NPEPL1: variants seen among roughly 807,000 people sequenced by gnomAD.
The protein encoded by NPEPL1 is probable aminopeptidase NPEPL1.
Under a neutral mutation model 52.4 loss-of-function variants are expected in NPEPL1, and 45 were observed. That is an observed-to-expected ratio of 0.86 (90% CI 0.68 to 1.10). The LOEUF (loss-of-function observed/expected upper bound fraction) is 1.10. Among genes scored for constraint, NPEPL1 ranks in the 50% least tolerant of loss-of-function variants. The pLI is 0.00. For synonymous variants in NPEPL1, 360 were observed against 314.7 expected (o/e 1.14, Z -1.52); for missense variants, 696 against 710.9 (o/e 0.98, Z 0.24).
Position 58,707,201 on chromosome 20 carries a change from G to A in NPEPL1, c.900+1G>A, listed in dbSNP as rs367627505. 1 of 1,549,606 alleles carries A rather than the reference G, an allele frequency of 6.5e-7. No individual in the cohort carries two copies. On this transcript the variant is annotated splice_donor_variant, in intron 7 of 11. Transcript: ENST00000356091. LOFTEE classifies it high-confidence loss of function. Reference sequence around the variant, plus strand: ...GGCCTTCAGAGCCGCAATCAAGCAGGTGAGTGGGCCCTGCCCGCCCTCTGC... The same window carrying A: ...GGCCTTCAGAGCCGCAATCAAGCAGATGAGTGGGCCCTGCCCGCCCTCTGC...
intron 3 of NPEPL1, among the ~76,000 whole-genome samples, chr20:58,696,341 C>T (rs2084490753): frequency 6.6e-6 from 1 of 152,230 alleles, no homozygotes; most frequent in South Asian, 2.1e-4. Context: ...TCTTGGCTAG[C>T]ACCACCCTCC....
chr20:58,710,498 CAA>C (rs11481655), intron 7 of NPEPL1, among the ~76,000 whole-genome samples: 1 of 147,064 alleles, frequency 6.8e-6, no homozygotes, highest in Non-Finnish European at 1.5e-5. Flanking sequence ...AGCCTGGCAC[CAA>C]AAAAAAAAGC....
chr20:58,704,380 C>T (rs1169065234), intron 6 of NPEPL1: 12 of 985,266 alleles, frequency 1.2e-5, no homozygotes, highest in Non-Finnish European at 1.4e-5. Context: ...CTGGAGACCC[C>T]TTTACGCTCT....
At position 58,700,996 on chromosome 20, in the gene NPEPL1, T is replaced by A; in HGVS notation, c.680-20T>A. 1 of 1,542,644 alleles carries A rather than the reference T, an allele frequency of 6.5e-7. No individual in the cohort carries two copies. The highest frequency in any genetic ancestry group is 1.4e-5 in the African/African-American group (1 of 72,298). On this transcript the variant is annotated intron_variant, in intron 5 of 11. Coordinates refer to ENST00000356091, the MANE Select transcript of NPEPL1 (RefSeq NM_024663.4). ...CAGCTCAGCCCGAGCCTAACCCAGTTCTCCCCACGCTTTCCATAGGAATCT... is the reference window on the plus strand; with the variant it reads ...CAGCTCAGCCCGAGCCTAACCCAGTACTCCCCACGCTTTCCATAGGAATCT...
chr20:58,708,918 G>A (rs961618744), intron 7 of NPEPL1, among the ~76,000 whole-genome samples: 9 of 151,758 alleles, frequency 5.9e-5, no homozygotes, highest in Non-Finnish European at 1.2e-4. Flanking sequence ...CTCTGTGGCC[G>A]TCTTTGCCGT....
chr20:58,700,534 C>T (rs1486351155), intron 5 of NPEPL1, among the ~76,000 whole-genome samples: 1 of 152,222 alleles, frequency 6.6e-6, no homozygotes, highest in Non-Finnish European at 1.5e-5. Context: ...GCCATAGACT[C>T]TGCACACGCA....
chr20:58,703,620 C>T (rs1469203153), intron 6 of NPEPL1: 10 of 985,100 alleles, frequency 1.0e-5, no homozygotes, highest in Admixed American at 6.2e-5. Flanking sequence ...GGAATTCATT[C>T]GTTTGCTTGT....
intron 7 of NPEPL1, chr20:58,711,231 A>C (rs895597294): frequency 7.9e-5 from 12 of 151,214 alleles, no homozygotes; most frequent in African/African-American, 2.9e-4. Flanking sequence ...TGTGGCGTCC[A>C]TGGCCTGGAG....
chr20:58,692,664 T>G, upstream of NPEPL1: 1 of 292,074 alleles, frequency 3.4e-6, no homozygotes, highest in Non-Finnish European at 5.0e-6. This position sits in a 1 kb window ranked among gnomAD's most constrained non-coding sequence, Gnocchi z 5.7. Context: ...GGGGCCGGCT[T>G]CGGGCCTGCC....
rs1333493585 is a variant in NPEPL1 at position 58,701,106 on chromosome 20, G to C, written c.770G>C (p.Trp257Ser). 6.3e-7 allele frequency: 1 copy of C among 1,591,814 alleles called. No homozygotes were observed. The change falls in exon 6 of 12, where the codon TGG becomes TCG. Residue 257 changes from tryptophan to serine, a missense_variant. Trp to Ser is a radical substitution (Grantham distance 177). Coordinates refer to ENST00000356091, the MANE Select transcript of NPEPL1 (RefSeq NM_024663.4). Reference protein sequence around the residue: ...TPDGATQTIAWVGKGIVYDTG... With the variant: ...TPDGATQTIASVGKGIVYDTG... ...GATGGAGCCACGCAGACCATCGCCT[G>C]GGTGGGCAAAGGCATCGTCTATGAC...
chr20:58,704,027 T>C (rs2084688575), intron 6 of NPEPL1: 1 of 985,296 alleles, frequency 1.0e-6, no homozygotes, highest in South Asian at 4.7e-5. Context: ...GGAACCGTTC[T>C]ACGTGGATTT....
rs768339904 is a variant in NPEPL1 at position 58,713,018 on chromosome 20, C to G, written c.1002-402C>G. 37 of 363,538 alleles carry G rather than the reference C, an allele frequency of 1.0e-4. No individual in the cohort carries two copies. Among genetic ancestry groups the G allele is most frequent in the Non-Finnish European group, 1.9e-4 (35 of 188,016 alleles). 22.5% of individuals were successfully genotyped at this position (363,538 alleles called of 1,614,324 possible). ...CCAGAATTCAAAAGAGAAGAGCCCTCTCCCCAGCCCCATGAGCTGGTGCCT... is the reference window on the plus strand; with the variant it reads ...CCAGAATTCAAAAGAGAAGAGCCCTGTCCCCAGCCCCATGAGCTGGTGCCT... On this transcript the variant is annotated intron_variant, in intron 8 of 11. Transcript: ENST00000356091. The surrounding 1 kb of genome is among the most constrained non-coding windows in gnomAD (Gnocchi z 4.6).
chr20:58,714,584 TG>T lies in NPEPL1; in HGVS notation c.1328del (p.Cys443LeufsTer54). 1 of 1,590,644 alleles carries T rather than the reference TG, an allele frequency of 6.3e-7. No individual in the cohort carries two copies. Among genetic ancestry groups the T allele is most frequent in the South Asian group, 1.1e-5 (1 of 87,796 alleles). ...VADRDNSPSS[C>X]AGLFIASHIG... ...GGACCGAGACAACAGCCCCAGCTCCTGTGCTGGCCTCTTCATCGCCTCACAC... is the reference window on the plus strand; with the variant it reads ...GGACCGAGACAACAGCCCCAGCTCCTTGCTGGCCTCTTCATCGCCTCACAC... On this transcript the variant is annotated frameshift_variant, in exon 11 of 12. Transcript: ENST00000356091. LOFTEE classifies it high-confidence loss of function.
intron 3 of NPEPL1, among the ~76,000 whole-genome samples, chr20:58,695,113 G>A (rs1203003477): frequency 1.4e-4 from 1 of 7,010 alleles, no homozygotes; most frequent in Non-Finnish European, 3.2e-4. Context: ...GTGTGTGTGT[G>A]TTTGCTGGTG....
chr20:58,697,260 C>A (rs1423623652), intron 3 of NPEPL1, among the ~76,000 whole-genome samples: 1 of 152,246 alleles, frequency 6.6e-6, no homozygotes, highest in African/African-American at 2.4e-5. Flanking sequence ...GCCCTGCCCT[C>A]CCTCCCACAG....
At chr20:58,710,026 T>A (rs2084804513) in intron 7 of NPEPL1, among the ~76,000 whole-genome samples, 1 of 144,696 alleles carries the variant, frequency 6.9e-6, no homozygotes. Context: ...GAGGAATTGT[T>A]TGTGGCTTTT....
Position 58,713,330 on chromosome 20 carries a change from C to T in NPEPL1, c.1002-90C>T, listed in dbSNP as rs1320198896. 13 of 1,457,718 alleles carry T rather than the reference C, an allele frequency of 8.9e-6. No individual in the cohort carries two copies. The highest frequency in any genetic ancestry group is 1.1e-5 in the Non-Finnish European group (12 of 1,091,098). The allele number at this position is 1,457,718 out of a possible 1,614,324, so 90.3% of individuals were successfully genotyped here. A position where few individuals can be genotyped will look rare whatever the true frequency, so the allele number is the denominator to read the frequency against. ...TTCGGGGAGCCACAGGGATGGGCAGCTCCAAATGGGGTCTCCCCAGTTTCA... is the reference window on the plus strand; with the variant it reads ...TTCGGGGAGCCACAGGGATGGGCAGTTCCAAATGGGGTCTCCCCAGTTTCA... On this transcript the variant is annotated intron_variant, in intron 8 of 11. Transcript: ENST00000356091. The surrounding 1 kb of genome is among the most constrained non-coding windows in gnomAD (Gnocchi z 4.6).
At position 58,715,444 on chromosome 20, in the gene NPEPL1, C is replaced by T. The variant is rs1469180872; in HGVS notation, c.*118C>T. The T allele has an allele frequency of 7.0e-6, 8 of 1,143,032 alleles. No individual in the cohort carries two copies. Among genetic ancestry groups the T allele is most frequent in the South Asian group, 3.5e-5 (2 of 57,212 alleles). The allele number at this position is 1,143,032 out of a possible 1,614,324, so 70.8% of individuals were successfully genotyped here. On this transcript the variant is annotated 3_prime_UTR_variant, in exon 12 of 12. Coordinates refer to ENST00000356091, the MANE Select transcript of NPEPL1 (RefSeq NM_024663.4). ...TTTGGTTTGTCTTTCTGGTCGTCAG[C>T]GTGGTGGTGGAAACAGCTGAAGTTT...
At chr20:58,705,632 C>G in intron 6 of NPEPL1, 1 of 438,854 alleles carries the variant, frequency 2.3e-6, no homozygotes, top group Non-Finnish European at 4.7e-6. Context: ...ATGGTTTCTT[C>G]TATAAAAACA....
Sources: allele counts gnomAD v4.1 joint callset (sites outside exome capture counted in the v4.1 genomes callset), GRCh38; gene constraint gnomAD v4.1.1; non-coding constraint Gnocchi (gnomAD v3.1); transcripts MANE v1.5; gene names NCBI Gene and HGNC (gene_info 2026-07-23, HGNC 2026-07-21).